Variants in JHY observed in about 807,000 individuals in gnomAD.
JHY encodes the protein junctional cadherin complex regulator.
A neutral mutation model predicts 78.0 loss-of-function variants in JHY; 69 were observed. The observed-to-expected ratio is 0.88, with a 90% confidence interval of 0.73 to 1.08. The LOEUF is 1.08. Ranked by LOEUF, JHY falls within the 50% of genes least tolerant of loss-of-function variation. The pLI is 0.00. For synonymous variants in JHY, 368 were observed against 342.6 expected (o/e 1.07, Z -0.82); for missense variants, 944 against 927.8 (o/e 1.02, Z -0.23).
intron 6 of JHY, among the ~76,000 whole-genome samples, chr11:122,949,246 A>T (rs1864035052): frequency 6.6e-6 from 1 of 152,150 alleles, no homozygotes; most frequent in South Asian, 2.1e-4. Context: ...GGAGTGGTGG[A>T]TAGGGGCCAG....
Position 122,925,011 on chromosome 11 carries a change from G to T in JHY, c.978+1G>T, listed in dbSNP as rs1312755029. 2.5e-6 allele frequency: 4 copies of T among 1,603,268 alleles called. No homozygotes were observed. The highest frequency in any genetic ancestry group is 8.5e-7 in the Non-Finnish European group (1 of 1,170,394). ...GCATCAAAGAGCACAACAGCTAAAG[G>T]TTACCTGCTAGATTGCATTTTAAGT... On this transcript the variant is annotated splice_donor_variant, in intron 4 of 8. Transcript: ENST00000227349. LOFTEE classifies it high-confidence loss of function.
In JHY at chr11:122,934,459, T is replaced by C. The variant is rs774056827; in HGVS notation, c.1018T>C (p.Ser340Pro). 6.2e-7 allele frequency: 1 copy of C among 1,613,730 alleles called. No homozygotes were observed. Among genetic ancestry groups the C allele is most frequent in the Non-Finnish European group, 8.5e-7 (1 of 1,179,814 alleles). ...EHWSQYESTK[S>P]SNVPRGQPSD... Reference sequence around the variant, plus strand: ...CTGGTCTCAATATGAAAGTACAAAATCAAGCAATGTACCAAGAGGGCAACC... The same window carrying C: ...CTGGTCTCAATATGAAAGTACAAAACCAAGCAATGTACCAAGAGGGCAACC... The change falls in exon 5 of 9, where the codon TCA becomes CCA. Residue 340 changes from serine to proline, a missense_variant. Coordinates refer to ENST00000227349, the MANE Select transcript of JHY (RefSeq NM_024806.4).
chr11:122,914,319 T>C (rs1863190950), intron 3 of JHY, among the ~76,000 whole-genome samples: 1 of 152,238 alleles, frequency 6.6e-6, no homozygotes, highest in Non-Finnish European at 1.5e-5. Flanking sequence ...GTCTATAAGA[T>C]TAAGCTTTAC....
At chr11:122,899,446 T>G (rs1862801059) in intron 2 of JHY, among the ~76,000 whole-genome samples, 1 of 152,244 alleles carries the variant, frequency 6.6e-6, no homozygotes. Flanking sequence ...CATTCCCTAA[T>G]TTGGTCTAAT....
intron 1 of JHY, among the ~76,000 whole-genome samples, chr11:122,885,007 G>A (rs1462071778): frequency 7.5e-6 from 1 of 133,572 alleles, no homozygotes; most frequent in Non-Finnish European, 1.6e-5. Context: ...ATGGGGTTTT[G>A]CCATGTTGCC....
In JHY at chr11:122,898,591, C is replaced by CTGTTTCACAGTGTTTCA. The variant is rs1291297672; in HGVS notation, c.345-5334_345-5333insTGTTTCACAGTGTTTCA. 6.6e-6 allele frequency among the ~76,000 whole-genome samples: 1 copy of CTGTTTCACAGTGTTTCA among 152,162 alleles called. No homozygotes were observed. Among genetic ancestry groups the CTGTTTCACAGTGTTTCA allele is most frequent in the Non-Finnish European group, 1.5e-5 (1 of 68,028 alleles). Reference sequence around the variant, plus strand: ...TGAGTGAGTAGCAGAACAGTGATCCCCAGTGTTGTCACCTGTGAAAGGTGG... The same window carrying CTGTTTCACAGTGTTTCA: ...TGAGTGAGTAGCAGAACAGTGATCCCTGTTTCACAGTGTTTCACAGTGTTGTCACCTGTGAAAGGTGG... On this transcript the variant is annotated intron_variant, in intron 2 of 8. Coordinates refer to ENST00000227349, the MANE Select transcript of JHY (RefSeq NM_024806.4). The surrounding 1 kb of genome is among the most constrained non-coding windows in gnomAD (Gnocchi z 4.4).
chr11:122,954,759 A>C (rs940950876), intron 6 of JHY, among the ~76,000 whole-genome samples: 1 of 152,248 alleles, frequency 6.6e-6, no homozygotes, highest in African/African-American at 2.4e-5. Flanking sequence ...CTCTACCAAA[A>C]GTACAAAAAT....
chr11:122,907,250 GTT>G (rs200056855), intron 3 of JHY, among the ~76,000 whole-genome samples: 6 of 147,054 alleles, frequency 4.1e-5, no homozygotes, highest in Non-Finnish European at 6.0e-5. Context: ...AAACTGATGT[GTT>G]TTTTTTTTTG....
At chr11:122,919,352 CAAAAAAAAAAAAA>C (rs72233254) in intron 3 of JHY, among the ~76,000 whole-genome samples, 8 of 70,090 alleles carry the variant, frequency 1.1e-4, no homozygotes, top group Non-Finnish European at 1.8e-4. Flanking sequence ...GACTCTGTCT[CAAAAAAAAAAAAA>C]AAAAAAAAAA....
At chr11:122,956,453 C>T (rs1242513930) in intron 6 of JHY, 43 bp from the exon 7 acceptor site, 1 of 1,585,662 alleles carries the variant, frequency 6.3e-7, no homozygotes, top group Non-Finnish European at 8.6e-7. Flanking sequence ...TCGGGGGACA[C>T]ACAAGTCCTT....
At chr11:122,918,944 A>C (rs1358022748) in intron 3 of JHY, among the ~76,000 whole-genome samples, 1 of 152,172 alleles carries the variant, frequency 6.6e-6, no homozygotes, top group Non-Finnish European at 1.5e-5. Flanking sequence ...AGTACAGAGT[A>C]CTAAGGCCAT....
intron 3 of JHY, among the ~76,000 whole-genome samples, chr11:122,909,712 G>T (rs1457146151): frequency 6.6e-6 from 1 of 152,070 alleles, no homozygotes; most frequent in Non-Finnish European, 1.5e-5. Context: ...CCAGGAGGCA[G>T]AGGTTGCAGT....
chr11:122,900,551 G>A (rs1300914585), intron 2 of JHY, among the ~76,000 whole-genome samples: 2 of 145,718 alleles, frequency 1.4e-5, no homozygotes, highest in African/African-American at 5.2e-5. Flanking sequence ...GACTGGGGGT[G>A]CTTTACAAAT....
chr11:122,928,410 A>G (rs1863558764), intron 4 of JHY, among the ~76,000 whole-genome samples: 1 of 152,196 alleles, frequency 6.6e-6, no homozygotes, highest in African/African-American at 2.4e-5. Context: ...TCAGAGTTTC[A>G]TAAACCTACC....
At chr11:122,905,246 C>A (rs553254253) in intron 3 of JHY, 2 of 1,613,798 alleles carry the variant, frequency 1.2e-6, no homozygotes, top group African/African-American at 1.3e-5. Context: ...AGTTCCATTT[C>A]ACAGGTGCAC....
At chr11:122,959,127 T>C in intron 8 of JHY, 121 bp from the exon 9 acceptor site, 1 of 1,386,378 alleles carries the variant, frequency 7.2e-7, no homozygotes, top group Non-Finnish European at 9.6e-7. Flanking sequence ...TTTCCACCAA[T>C]GTCTTAGTAA....
intron 6 of JHY, among the ~76,000 whole-genome samples, chr11:122,947,717 A>G (rs1165827751): frequency 6.6e-6 from 1 of 152,140 alleles, no homozygotes; most frequent in Non-Finnish European, 1.5e-5. Context: ...TGCATGCAGG[A>G]GGTCTCTAGA....
At chr11:122,905,218 T>C in intron 3 of JHY, 2 of 1,614,058 alleles carry the variant, frequency 1.2e-6, no homozygotes, top group Non-Finnish European at 1.7e-6. Context: ...TTCAAAACCT[T>C]TTGGAGCCAG....
chr11:122,906,714 C>T (rs538904530), intron 3 of JHY, among the ~76,000 whole-genome samples: 38 of 152,084 alleles, frequency 2.5e-4, no homozygotes, highest in Middle Eastern at 3.4e-3. Flanking sequence ...ATTTATTAAT[C>T]GCTATTTTTG....
Sources: allele counts gnomAD v4.1 joint callset (sites outside exome capture counted in the v4.1 genomes callset), GRCh38; gene constraint gnomAD v4.1.1; non-coding constraint Gnocchi (gnomAD v3.1); transcripts MANE v1.5; gene names NCBI Gene and HGNC (gene_info 2026-07-23, HGNC 2026-07-21).